Variants in LY96 observed in about 807,000 individuals in gnomAD.
LY96 encodes the protein myeloid differentiation protein-2.
LY96 carries 18 observed loss-of-function variants against 18.9 expected under a neutral mutation model. That is an observed-to-expected ratio of 0.95 (90% CI 0.66 to 1.41). The LOEUF (loss-of-function observed/expected upper bound fraction) is 1.41, where lower values mean the gene tolerates loss of function less well. Ranked by LOEUF, LY96 falls within the 40% of genes most tolerant of loss-of-function variation. The pLI is 0.00. For missense variants in LY96, 175 were observed against 182.4 expected, an observed-to-expected ratio of 0.96 and a Z score of 0.23; for synonymous variants, 66 against 62.6, an observed-to-expected ratio of 1.06 and a Z score of -0.26.
the LY96 span, among the ~76,000 whole-genome samples, chr8:74,055,424 T>C: frequency 6.6e-6 from 1 of 152,332 alleles, no homozygotes; most frequent in Non-Finnish European, 1.5e-5. Flanking sequence ...CCTTGGTCCC[T>C]ATCTGTAAGA....
At chr8:74,070,691 T>C in the LY96 span, among the ~76,000 whole-genome samples, 7 of 152,282 alleles carry the variant, frequency 4.6e-5, no homozygotes, top group Admixed American at 6.5e-5. Flanking sequence ...CTCGTGTTCT[T>C]ACCATCCTGC....
At chr8:74,081,093 C>A in the LY96 span, among the ~76,000 whole-genome samples, 1 of 120,010 alleles carries the variant, frequency 8.3e-6, no homozygotes, top group Non-Finnish European at 1.6e-5. Context: ...TTCTCTCTTT[C>A]TTTCTTTCTT....
chr8:74,019,344 C>T (rs921627646), intron 3 of LY96, among the ~76,000 whole-genome samples: 1 of 152,186 alleles, frequency 6.6e-6, no homozygotes, highest in African/African-American at 2.4e-5. Flanking sequence ...TTCCTGGACA[C>T]ATACACCCTC....
chr8:73,997,446 A>C (rs1187619699), intron 1 of LY96, among the ~76,000 whole-genome samples: 1 of 152,200 alleles, frequency 6.6e-6, no homozygotes, highest in Non-Finnish European at 1.5e-5. Context: ...CAGAGGCCAG[A>C]GAGATCTTTG....
the LY96 span, among the ~76,000 whole-genome samples, chr8:74,060,829 T>G: frequency 6.6e-6 from 1 of 152,216 alleles, no homozygotes; most frequent in African/African-American, 2.4e-5. Context: ...ATTTAACACT[T>G]GGGGTAATTC....
chr8:74,084,022 CT>C, the LY96 span, among the ~76,000 whole-genome samples: 200 of 144,058 alleles, frequency 1.4e-3, no homozygotes, highest in Non-Finnish European at 1.3e-3. Flanking sequence ...CCCTCATGCT[CT>C]TTTTTTTTTT....
intron 3 of LY96, among the ~76,000 whole-genome samples, chr8:74,024,231 C>T (rs1051891757): frequency 3.3e-5 from 5 of 151,590 alleles, no homozygotes; most frequent in Non-Finnish European, 7.4e-5. Context: ...AAACAAGATC[C>T]TAATGAAGTA....
the LY96 span, among the ~76,000 whole-genome samples, chr8:74,086,476 C>T: frequency 2.5e-4 from 38 of 152,306 alleles, no homozygotes; most frequent in Admixed American, 8.5e-4. Context: ...CAATTAATCA[C>T]GAGAATTTCC....
chr8:74,067,340 T>C, the LY96 span, among the ~76,000 whole-genome samples: 1 of 152,178 alleles, frequency 6.6e-6, no homozygotes, highest in East Asian at 1.9e-4. Flanking sequence ...CAAGTGATAC[T>C]TCCATCAGCC....
chr8:74,081,089 CTT>C, the LY96 span, among the ~76,000 whole-genome samples: 14 of 108,730 alleles, frequency 1.3e-4, no homozygotes, highest in South Asian at 6.4e-4. Flanking sequence ...CTCTTTCTCT[CTT>C]TCTTTCTTTC....
chr8:74,009,089 T>C (rs1490947191), intron 2 of LY96, among the ~76,000 whole-genome samples: 4 of 152,128 alleles, frequency 2.6e-5, no homozygotes, highest in Admixed American at 2.6e-4. Context: ...TTGTTTTCTT[T>C]ATGAAAAGGA....
chr8:74,006,151 A>T (rs1296203422), intron 2 of LY96, among the ~76,000 whole-genome samples: 1 of 152,206 alleles, frequency 6.6e-6, no homozygotes, highest in Non-Finnish European at 1.5e-5. Flanking sequence ...AATTGTAAGT[A>T]TCATGCTAGG....
chr8:73,992,583 G>C (rs532833342), intron 1 of LY96, among the ~76,000 whole-genome samples: 28 of 152,286 alleles, frequency 1.8e-4, no homozygotes, highest in African/African-American at 6.5e-4. Flanking sequence ...TCTGCCAAAT[G>C]CTAATATAAA....
chr8:74,004,251 C>T (rs1397126192), intron 1 of LY96, among the ~76,000 whole-genome samples: 1 of 152,210 alleles, frequency 6.6e-6, no homozygotes, highest in Non-Finnish European at 1.5e-5. Context: ...TCTGCCCAAG[C>T]CACTGCCTTT....
intron 1 of LY96, among the ~76,000 whole-genome samples, chr8:73,999,570 T>C (rs1816221584): frequency 6.6e-6 from 1 of 152,218 alleles, no homozygotes; most frequent in Non-Finnish European, 1.5e-5. Context: ...TGAAAGCTTG[T>C]TGACAGTATT....
At chr8:74,018,045 A>G (rs1262120979) in intron 3 of LY96, among the ~76,000 whole-genome samples, 2 of 152,192 alleles carry the variant, frequency 1.3e-5, no homozygotes, top group African/African-American at 4.8e-5. Context: ...AAATTCACAC[A>G]TAACAATATT....
chr8:73,991,643 A>C (rs1404270498), intron 1 of LY96, 89 bp downstream of exon 1: 18 of 805,780 alleles, frequency 2.2e-5, no homozygotes, highest in African/African-American at 3.4e-5. Context: ...TGGCTGGAAC[A>C]CACGAAACAT....
At chr8:74,069,438 G>A in the LY96 span, among the ~76,000 whole-genome samples, 1 of 152,110 alleles carries the variant, frequency 6.6e-6, no homozygotes, top group South Asian at 2.1e-4. Flanking sequence ...AGGAAGCCTC[G>A]TTCCTGTGAT....
At chr8:74,073,941 T>G in the LY96 span, among the ~76,000 whole-genome samples, 1 of 151,040 alleles carries the variant, frequency 6.6e-6, no homozygotes, top group Non-Finnish European at 1.5e-5. Flanking sequence ...TACAGGTGAG[T>G]CACAGCGCCT....
Sources: allele counts gnomAD v4.1 joint callset (sites outside exome capture counted in the v4.1 genomes callset), GRCh38; gene constraint gnomAD v4.1.1; transcripts MANE v1.5; gene names NCBI Gene and HGNC (gene_info 2026-07-23, HGNC 2026-07-21).